EIF5B: variants seen among roughly 807,000 people sequenced by gnomAD.
The protein encoded by EIF5B is eIF-5B.
EIF5B carries 47 observed loss-of-function variants against 147.5 expected under a neutral mutation model. The ratio of observed to expected loss-of-function variants is 0.32; its 90% confidence interval spans 0.25 to 0.41. The LOEUF is 0.41. Among genes scored for constraint, EIF5B ranks in the 10% least tolerant of loss-of-function variants. The probability of loss-of-function intolerance (pLI) is 1.00; values close to 1 mark genes in which losing one functional copy is unlikely to be tolerated. For synonymous variants in EIF5B, 455 were observed against 456.2 expected, an observed-to-expected ratio of 1.00 and a Z score of 0.03; for missense variants, 1,064 against 1,413.2, an observed-to-expected ratio of 0.75 and a Z score of 3.96.
intron 1 of EIF5B, among the ~76,000 whole-genome samples, chr2:99,348,460 T>C (rs1435051668): frequency 6.6e-6 from 1 of 152,200 alleles, no homozygotes; most frequent in Non-Finnish European, 1.5e-5. Flanking sequence ...TTCCTCTTTT[T>C]GTATGTAACT....
chr2:99,342,073 A>C (rs144894735), intron 1 of EIF5B, among the ~76,000 whole-genome samples: 3 of 152,340 alleles, frequency 2.0e-5, no homozygotes, highest in African/African-American at 4.8e-5. Context: ...AGGGATTTCT[A>C]AACTAGATTT....
At chr2:99,371,337 A>C (rs893592443) in intron 8 of EIF5B, among the ~76,000 whole-genome samples, 2 of 152,028 alleles carry the variant, frequency 1.3e-5, no homozygotes, top group African/African-American at 2.4e-5. Flanking sequence ...AAATACAAAA[A>C]ATTAGCTGGC....
At position 99,398,742 on chromosome 2, in the gene EIF5B, TTA is replaced by T. The variant is rs779863761; in HGVS notation, c.3394-3_3394-2del. 6.2e-7 allele frequency: 1 copy of T among 1,605,200 alleles called. No individual in the cohort carries two copies. The highest frequency in any genetic ancestry group is 2.2e-5 in the East Asian group (1 of 44,800). The stretch of plus-strand genomic sequence containing the variant: ...GCATGCATTTTAATTTGTTCTTATT[TTA>T]TAGTTTGTTGACATCGGAATAGTAA... On this transcript the variant is annotated splice_region_variant and splice_polypyrimidine_tract_variant and intron_variant, in intron 22 of 23. Transcript: ENST00000289371.
chr2:99,400,237 C>CTGT lies in EIF5B; in HGVS notation c.*825_*827dup, dbSNP rs1298344167. ...AATCTTGATCTGTTTTAATCTTGAT[C>CTGT]TGTTTTAGTAGAGATTTTTATACAT... On this transcript the variant is annotated 3_prime_UTR_variant, in exon 24 of 24. Transcript: ENST00000289371. 2.0e-5 allele frequency: 3 copies of CTGT among 149,700 alleles called. No homozygotes were observed. Among genetic ancestry groups the CTGT allele is most frequent in the Non-Finnish European group, 4.4e-5 (3 of 67,972 alleles). 9.3% of individuals were successfully genotyped at this position (149,700 alleles called of 1,614,324 possible). A position where few individuals can be genotyped will look rare whatever the true frequency, so the allele number is the denominator to read the frequency against.
chr2:99,353,005 CTTTTTTTTTTTTTTTT>C (rs529053292), intron 1 of EIF5B, among the ~76,000 whole-genome samples: 11 of 62,858 alleles, frequency 1.7e-4, no homozygotes, highest in African/African-American at 7.3e-4. Flanking sequence ...TCTTCTTCTT[CTTTTTTTTTTTTTTTT>C]TTTTTTTTTT....
rs1444552078 is a variant in EIF5B at position 99,399,289 on chromosome 2, G to A, written c.3556-18G>A. 2.5e-6 allele frequency: 4 copies of A among 1,612,290 alleles called. No individual in the cohort carries two copies. The highest frequency in any genetic ancestry group is 3.4e-6 in the Non-Finnish European group (4 of 1,178,606). Reference sequence around the variant, plus strand: ...TTGTTATGTTCTGTTTACCCTGTTTGTGCCTCGGGCATTGCAGATCAGCCG... The same window carrying A: ...TTGTTATGTTCTGTTTACCCTGTTTATGCCTCGGGCATTGCAGATCAGCCG... On this transcript the variant is annotated intron_variant, in intron 23 of 23. Transcript: ENST00000289371.
rs919050023 is a variant in EIF5B, at chr2:99,346,635, A to G, written c.35+9046A>G. Among the ~76,000 whole-genome samples, 21 of 131,104 alleles carry G rather than the reference A, an allele frequency of 1.6e-4. 1 individual carries two copies. Among genetic ancestry groups the G allele is most frequent in the Admixed American group, 7.4e-4 (8 of 10,872 alleles). 86.0% of individuals were successfully genotyped at this position (131,104 alleles called of 152,430 possible). ...TTTTTTTGAGAAGGTGTCTCAAGCA[A>G]TCTCAGCTCACTGCAAGCTCCACCT... On this transcript the variant is annotated intron_variant, in intron 1 of 23. Coordinates refer to ENST00000289371, the MANE Select transcript of EIF5B (RefSeq NM_015904.4).
At chr2:99,339,357 C>T (rs2094253757) in intron 1 of EIF5B, among the ~76,000 whole-genome samples, 1 of 152,066 alleles carries the variant, frequency 6.6e-6, no homozygotes. Flanking sequence ...AGCTTTTCAT[C>T]TGTAAATCCA....
Position 99,379,056 on chromosome 2 carries a change from A to G in EIF5B, c.1880A>G (p.Glu627Gly), listed in dbSNP as rs781095259. Reference protein sequence around the residue: ...RLEHSKNVNTEKLRAPIICVL... With the variant: ...RLEHSKNVNTGKLRAPIICVL... Reference sequence around the variant, plus strand: ...GAACATAGTAAAAATGTAAACACCGAAAAGCTAAGAGCCCCTATTATCTGC... The same window carrying G: ...GAACATAGTAAAAATGTAAACACCGGAAAGCTAAGAGCCCCTATTATCTGC... The change falls in exon 11 of 24, where the codon GAA (glutamate) becomes GGA (glycine). Residue 627 changes from glutamate to glycine, a missense_variant. Physicochemically the swap from Glu to Gly is moderately conservative, Grantham distance 98. Around this residue, in one of 4 missense-constraint regions of EIF5B, gnomAD observed 380 missense variants for 715.6 expected, o/e 0.53. Transcript: ENST00000289371. 9 of 1,590,740 alleles carry G rather than the reference A, an allele frequency of 5.7e-6. No homozygotes were observed. The East Asian group carries it at 2.0e-4, about 36-fold the overall frequency.
Position 99,376,372 on chromosome 2 carries a change from A to G in EIF5B, c.1578A>G (p.Glu526=). Residue 526 remains glutamate (E), a synonymous_variant, in exon 10 of 24, where the codon GAA becomes GAG. Coordinates refer to ENST00000289371, the MANE Select transcript of EIF5B (RefSeq NM_015904.4). ...TAGAAGGAAACAAAGTTCATATAGA[A>G]GTAAAAGAAAACCCTGAAGAGGAGG... ...EKVEGNKVHI[E]VKENPEEEEE... The G allele has an allele frequency of 6.8e-7, 1 of 1,479,276 alleles. No homozygotes were observed. The highest frequency in any genetic ancestry group is 1.2e-5 in the South Asian group (1 of 80,736). 91.6% of individuals were successfully genotyped at this position (1,479,276 alleles called of 1,614,324 possible).
intron 14 of EIF5B, among the ~76,000 whole-genome samples, chr2:99,386,654 G>A (rs2104239648): frequency 6.6e-6 from 1 of 150,646 alleles, no homozygotes; most frequent in African/African-American, 2.4e-5. Context: ...CTAAGCCACA[G>A]GTAGCTGGGA....
intron 1 of EIF5B, among the ~76,000 whole-genome samples, chr2:99,343,337 G>A (rs1187624149): frequency 6.6e-6 from 1 of 151,130 alleles, no homozygotes; most frequent in Non-Finnish European, 1.5e-5. Context: ...ATGATTTGCA[G>A]ATACTTTCTC....
chr2:99,389,504 C>A, intron 14 of EIF5B: 1 of 325,342 alleles, frequency 3.1e-6, no homozygotes, highest in Non-Finnish European at 5.6e-6. Flanking sequence ...CTCATGGAGG[C>A]TGACAGGGGC....
chr2:99,374,983 C>A (rs1674532682), intron 9 of EIF5B, among the ~76,000 whole-genome samples: 1 of 151,958 alleles, frequency 6.6e-6, no homozygotes, highest in African/African-American at 2.4e-5. Context: ...TTGGCTCTTT[C>A]TATTCTGAGG....
rs776749332 is a variant in EIF5B at position 99,394,463 on chromosome 2, A to G, written c.3013-46A>G. The stretch of plus-strand genomic sequence containing the variant: ...GGTCGTGGTTTTTGGTGCCATCGCC[A>G]TTACCTGATACATACAGATAAACAT... On this transcript the variant is annotated intron_variant, in intron 19 of 23. Coordinates refer to ENST00000289371, the MANE Select transcript of EIF5B (RefSeq NM_015904.4). The G allele has an allele frequency of 4.3e-6, 7 of 1,613,614 alleles. No homozygotes were observed. The African/African-American group carries it at 6.7e-5, about 15-fold the overall frequency.
chr2:99,361,287 C>T lies in EIF5B; in HGVS notation c.386C>T (p.Pro129Leu), dbSNP rs753900030. ...KDSKSKKTAKPKVEMYSGSDD... is the reference protein window; with the variant it reads ...KDSKSKKTAKLKVEMYSGSDD... ...TCAAAATCAAAAAAGACTGCAAAACCGAAAGTGGAAATGTACTCTGGGAGT... is the reference window on the plus strand; with the variant it reads ...TCAAAATCAAAAAAGACTGCAAAACTGAAAGTGGAAATGTACTCTGGGAGT... The change falls in exon 4 of 24, where the codon CCG becomes CTG. Residue 129 changes from proline to leucine, a missense_variant. Pro to Leu is a moderately conservative substitution (Grantham distance 98). This residue lies in a region of EIF5B where 458 missense variants were observed against 451.3 expected (regional missense o/e 1.01). Transcript: ENST00000289371. The T allele has an allele frequency of 2.7e-5, 43 of 1,611,626 alleles. No homozygotes were observed. The highest frequency in any genetic ancestry group is 3.3e-5 in the Non-Finnish European group (39 of 1,179,328).
At chr2:99,348,737 A>G (rs1367047940) in intron 1 of EIF5B, among the ~76,000 whole-genome samples, 1 of 152,222 alleles carries the variant, frequency 6.6e-6, no homozygotes, top group East Asian at 1.9e-4. Flanking sequence ...CCTTCCTTTA[A>G]TACTTTGAGG....
intron 22 of EIF5B, 87 bp from the exon 23 acceptor site, chr2:99,398,661 C>G (rs2305352): frequency 0.27 from 363,659 of 1,371,216 alleles, 50,151 homozygotes; most frequent in Admixed American, 0.37. Flanking sequence ...GGCTTTTGCT[C>G]TAGTTCTTAC....
intron 6 of EIF5B, among the ~76,000 whole-genome samples, chr2:99,365,289 A>G (rs888036570): frequency 2.0e-5 from 3 of 152,054 alleles, no homozygotes; most frequent in African/African-American, 7.3e-5. Context: ...TACTTCCATC[A>G]TATAGATGAA....
Sources: allele counts gnomAD v4.1 joint callset (sites outside exome capture counted in the v4.1 genomes callset), GRCh38; gene constraint gnomAD v4.1.1; regional missense constraint gnomAD v4.1.1; transcripts MANE v1.5; gene names NCBI Gene and HGNC (gene_info 2026-07-23, HGNC 2026-07-21).